Variants in SLC22A16 observed in about 807,000 individuals in gnomAD.
SLC22A16 encodes WUGSC:RG331P03.1.
SLC22A16 carries 53 observed loss-of-function variants against 52.9 expected under a neutral mutation model. That is an observed-to-expected ratio of 1.00 (90% CI 0.80 to 1.26). SLC22A16 has a LOEUF of 1.26. SLC22A16 is among the 50% of genes most tolerant of loss of function. The pLI is 0.00. For synonymous variants in SLC22A16, 291 were observed against 268.8 expected (o/e 1.08, Z -0.81); for missense variants, 726 against 704.0 (o/e 1.03, Z -0.35).
intron 1 of SLC22A16, among the ~76,000 whole-genome samples, chr6:110,460,815 C>T (rs1051354703): frequency 5.9e-5 from 9 of 152,178 alleles, no homozygotes; most frequent in African/African-American, 2.2e-4. Flanking sequence ...CAGCAGGACC[C>T]TGGGGAGCTG....
intron 2 of SLC22A16, among the ~76,000 whole-genome samples, chr6:110,447,254 G>A (rs893092214): frequency 2.6e-5 from 4 of 152,052 alleles, no homozygotes; most frequent in Non-Finnish European, 5.9e-5. Context: ...CTTTAACCTG[G>A]GATTGGGGGA....
At chr6:110,459,694 T>C (rs1387214590) in intron 1 of SLC22A16, among the ~76,000 whole-genome samples, 1 of 152,178 alleles carries the variant, frequency 6.6e-6, no homozygotes, top group Admixed American at 6.5e-5. Flanking sequence ...AATATGGTAA[T>C]GTAAGATGTT....
chr6:110,454,573 AATATTTATATATAATAT>A (rs1775510679), intron 2 of SLC22A16, among the ~76,000 whole-genome samples: 1 of 106,816 alleles, frequency 9.4e-6, no homozygotes, highest in African/African-American at 3.8e-5. Flanking sequence ...TATTATATAT[AATATTTATATATAATAT>A]ATATTTATAT....
At chr6:110,439,769 TTA>T (rs1285453485) in intron 4 of SLC22A16, among the ~76,000 whole-genome samples, 1 of 152,232 alleles carries the variant, frequency 6.6e-6, no homozygotes, top group Non-Finnish European at 1.5e-5. Flanking sequence ...CTCTCACGTT[TTA>T]GTTTAAATTT....
At chr6:110,429,270 A>G (rs1774400036) in intron 7 of SLC22A16, among the ~76,000 whole-genome samples, 1 of 152,152 alleles carries the variant, frequency 6.6e-6, no homozygotes, top group African/African-American at 2.4e-5. Flanking sequence ...TTAACCTCAG[A>G]GTCAGTCTGA....
intron 6 of SLC22A16, among the ~76,000 whole-genome samples, chr6:110,435,291 G>T (rs1774677960): frequency 6.6e-6 from 1 of 152,128 alleles, no homozygotes; most frequent in Non-Finnish European, 1.5e-5. Flanking sequence ...AATCCAATAT[G>T]GCTGGTGTCT....
intron 1 of SLC22A16, among the ~76,000 whole-genome samples, chr6:110,468,681 G>T (rs1199410527): frequency 6.6e-6 from 1 of 150,672 alleles, no homozygotes; most frequent in African/African-American, 2.4e-5. Context: ...AGAAGAAGAA[G>T]AAGAAGAAAA....
chr6:110,476,460 G>A (rs553844172), intron 1 of SLC22A16, 62 bp downstream of exon 1: 399 of 1,442,930 alleles, frequency 2.8e-4, no homozygotes, highest in South Asian at 4.9e-4. Context: ...CCGCCGCAAC[G>A]GAAAGAAACA....
chr6:110,427,128 G>T (rs1417509107), intron 7 of SLC22A16, among the ~76,000 whole-genome samples: 1 of 144,564 alleles, frequency 6.9e-6, no homozygotes, highest in Non-Finnish European at 1.5e-5. Flanking sequence ...CATGCCTGTG[G>T]TCCCAGCTAC....
intron 6 of SLC22A16, among the ~76,000 whole-genome samples, chr6:110,435,418 C>T (rs573909250): frequency 6.6e-5 from 10 of 152,198 alleles, no homozygotes; most frequent in Middle Eastern, 6.8e-3. Context: ...CCAAACCTGC[C>T]GACACCTTGT....
At chr6:110,442,845 G>T in intron 3 of SLC22A16, 70 bp from the exon 4 acceptor site, 1 of 1,405,230 alleles carries the variant, frequency 7.1e-7, no homozygotes, top group Non-Finnish European at 9.7e-7. Context: ...TGACCCCATT[G>T]CAAATCACAT....
chr6:110,450,996 C>T (rs564670587), intron 2 of SLC22A16, among the ~76,000 whole-genome samples: 15 of 152,144 alleles, frequency 9.9e-5, no homozygotes, highest in Non-Finnish European at 1.9e-4. Flanking sequence ...ATACAGGTTA[C>T]TGCTTATAAA....
chr6:110,446,402 C>G (rs1039911170), intron 3 of SLC22A16, among the ~76,000 whole-genome samples: 1 of 152,192 alleles, frequency 6.6e-6, no homozygotes, highest in Admixed American at 6.5e-5. Context: ...GATCATACAA[C>G]TAACAAGCCA....
At chr6:110,434,565 C>T (rs1774639869) in intron 6 of SLC22A16, among the ~76,000 whole-genome samples, 1 of 133,786 alleles carries the variant, frequency 7.5e-6, no homozygotes, top group African/African-American at 2.9e-5. Context: ...TTTGTAAAAG[C>T]TTGGAAGTCC....
chr6:110,434,504 C>A (rs1774636659), intron 6 of SLC22A16, among the ~76,000 whole-genome samples: 1 of 152,136 alleles, frequency 6.6e-6, no homozygotes, highest in African/African-American at 2.4e-5. Context: ...AAAGGACCTC[C>A]GTCCTCTTCA....
At chr6:110,471,731 A>G (rs993243642) in intron 1 of SLC22A16, among the ~76,000 whole-genome samples, 6 of 152,196 alleles carry the variant, frequency 3.9e-5, no homozygotes, top group Non-Finnish European at 1.5e-5. Context: ...GCATAAGAGG[A>G]GATGATTTGG....
chr6:110,457,733 A>G (rs944692993), intron 1 of SLC22A16, among the ~76,000 whole-genome samples: 1 of 152,184 alleles, frequency 6.6e-6, no homozygotes, highest in Non-Finnish European at 1.5e-5. Context: ...AAGAGTGTGA[A>G]CCTTCTGTTA....
At chr6:110,476,408 G>C in intron 1 of SLC22A16, 114 bp downstream of exon 1, 1 of 1,397,754 alleles carries the variant, frequency 7.2e-7, no homozygotes, top group Non-Finnish European at 9.3e-7. Context: ...GGGTGAGGAG[G>C]AAGTGGAGAT....
intron 5 of SLC22A16, 71 bp downstream of exon 5, chr6:110,438,649 G>T: frequency 6.6e-7 from 1 of 1,523,114 alleles, no homozygotes; most frequent in Non-Finnish European, 8.9e-7. Context: ...ATACTTAACT[G>T]TAATAAGCTA....
Sources: gnomAD v4.1 joint callset for allele counts (sites outside exome capture counted in the v4.1 genomes callset) on GRCh38, gnomAD v4.1.1 for gene constraint, MANE v1.5 for transcripts, NCBI Gene and HGNC (gene_info 2026-07-23, HGNC 2026-07-21) for gene names.